Variants in AADACL3 observed in about 807,000 individuals in gnomAD.
The protein encoded by AADACL3 is arylacetamide deacetylase like 3.
A neutral mutation model predicts 13.6 loss-of-function variants in AADACL3; 13 were observed. The observed-to-expected ratio is 0.95, with a 90% CI of 0.62 to 1.52. The LOEUF (loss-of-function observed/expected upper bound fraction) is 1.52. AADACL3 is among the 40% of genes most tolerant of loss of function. The pLI is 0.00. For missense variants in AADACL3, 519 were observed against 499.2 expected (o/e 1.04, Z -0.38); for synonymous variants, 195 against 197.0 (o/e 0.99, Z 0.08).
Position 12,719,759 on chromosome 1 carries a change from C to T in AADACL3, c.385+68C>T, listed in dbSNP as rs551814423. 23 of 1,437,918 alleles carry T rather than the reference C, an allele frequency of 1.6e-5. No homozygotes were observed. In the East Asian group the frequency reaches 2.5e-4, roughly 16 times the overall value. 89.1% of individuals were successfully genotyped at this position (1,437,918 alleles called of 1,614,324 possible). On this transcript the variant is annotated intron_variant, in intron 2 of 3. Transcript: ENST00000359318. ...CCTTAACATAACTTGGAAGAATGGG[C>T]ATCTTCCTGGGACTTAAAGTATGCT...
At chr1:12,720,753 G>A (rs1008991540) in intron 2 of AADACL3, 130 bp from the exon 3 acceptor site, 7 of 698,878 alleles carry the variant, frequency 1.0e-5, no homozygotes, top group Admixed American at 2.0e-5. Context: ...AAGATTGACC[G>A]GAAGTTTGCT....
Position 12,726,094 on chromosome 1 carries a change from C to T in AADACL3, c.*98C>T, listed in dbSNP as rs1025064693. 5 of 1,378,756 alleles carry T rather than the reference C, an allele frequency of 3.6e-6. No individual in the cohort carries two copies. The highest frequency in any genetic ancestry group is 2.9e-5 in the African/African-American group (2 of 68,856). The allele number at this position is 1,378,756 out of a possible 1,614,324, so 85.4% of individuals were successfully genotyped here. A position where few individuals can be genotyped will look rare whatever the true frequency, so the allele number is the denominator to read the frequency against. On this transcript the variant is annotated 3_prime_UTR_variant, in exon 4 of 4. Transcript: ENST00000359318. ...CTGATTTAGGTGGTGCATAGTGGGG[C>T]TAGGGAGGGGGTAGAGGTTGCTGTC... is the stretch of plus-strand genomic sequence containing the variant.
At position 12,726,105 on chromosome 1, in the gene AADACL3, G is replaced by A. The variant is rs921141242; in HGVS notation, c.*109G>A. The A allele has an allele frequency of 2.0e-5, 25 of 1,258,188 alleles. No individual in the cohort carries two copies. The highest frequency in any genetic ancestry group is 2.0e-4 in the African/African-American group (13 of 66,408). The allele number at this position is 1,258,188 out of a possible 1,614,324, so 77.9% of individuals were successfully genotyped here. A position where few individuals can be genotyped will look rare whatever the true frequency, so the allele number is the denominator to read the frequency against. ...GGTGCATAGTGGGGCTAGGGAGGGG[G>A]TAGAGGTTGCTGTCACCTTTCTGGT... On this transcript the variant is annotated 3_prime_UTR_variant, in exon 4 of 4. Coordinates refer to ENST00000359318, the MANE Select transcript of AADACL3 (RefSeq NM_001103170.3).
In AADACL3 at chr1:12,725,316, G is replaced by A; in HGVS notation, c.544G>A (p.Val182Met). The change falls in exon 4 of 4, where the codon GTG becomes ATG. Residue 182 changes from valine to methionine, a missense_variant. Physicochemically the swap from Val to Met is conservative, Grantham distance 21. Coordinates refer to ENST00000359318, the MANE Select transcript of AADACL3 (RefSeq NM_001103170.3). The stretch of plus-strand genomic sequence containing the variant: ...CCTGAAGTCCCTGGATGCATATGGA[G>A]TGGATCCAGCCCGGGTTGTGGTCTG... ...HFLKSLDAYG[V>M]DPARVVVCGD... is the part of the protein sequence containing the mutation. 1 of 1,614,162 alleles carries A rather than the reference G, an allele frequency of 6.2e-7. No individual in the cohort carries two copies. Among genetic ancestry groups the A allele is most frequent in the Non-Finnish European group, 8.5e-7 (1 of 1,180,030 alleles).
At chr1:12,724,816 C>A (rs1249341075) in intron 3 of AADACL3, among the ~76,000 whole-genome samples, 1 of 152,188 alleles carries the variant, frequency 6.6e-6, no homozygotes, top group Non-Finnish European at 1.5e-5. Context: ...CAAGATCTCC[C>A]TTAACAAAAT....
In AADACL3 at chr1:12,719,476, GGAT is replaced by G. The variant is rs1462930038; in HGVS notation, c.174_176del (p.Met58del). The G allele has an allele frequency of 6.2e-7, 1 of 1,613,194 alleles. No individual in the cohort carries two copies. Among genetic ancestry groups the G allele is most frequent in the Non-Finnish European group, 8.5e-7 (1 of 1,179,296 alleles). The stretch of plus-strand genomic sequence containing the variant: ...CATCATTTCTTCTCTCTCCAACAGG[GGAT>G]GATATTTGAGAAGCTCAGAATCTGT... On this transcript the variant is annotated inframe_deletion and splice_region_variant, in exon 2 of 4. Transcript: ENST00000359318.
At chr1:12,722,028 T>A (rs1315089880) in intron 3 of AADACL3, among the ~76,000 whole-genome samples, 1 of 151,966 alleles carries the variant, frequency 6.6e-6, no homozygotes, top group African/African-American at 2.4e-5. Context: ...CTACCTGAGG[T>A]GAGTAGAAAA....
In AADACL3 at chr1:12,719,546, GCT is replaced by G; in HGVS notation, c.241_242del (p.Leu81LysfsTer3). The G allele has an allele frequency of 6.2e-7, 1 of 1,614,086 alleles. No individual in the cohort carries two copies. The highest frequency in any genetic ancestry group is 8.5e-7 in the Non-Finnish European group (1 of 1,179,964). On this transcript the variant is annotated frameshift_variant, in exon 2 of 4. Transcript: ENST00000359318. LOFTEE classifies it high-confidence loss of function. The part of the protein sequence containing the change: ...FFCFMQDLPP[L>X]KYDPDVVVTD... ...TCTGTTTCATGCAAGATCTGCCTCC[GCT>G]AAAGTATGACCCCGATGTTGTGGTC...
At chr1:12,722,488 C>T (rs1447148624) in intron 3 of AADACL3, among the ~76,000 whole-genome samples, 1 of 151,954 alleles carries the variant, frequency 6.6e-6, no homozygotes, top group African/African-American at 2.4e-5. Flanking sequence ...TGTACCAAAC[C>T]AAGAGATCGT....
chr1:12,725,851 TGGAAGACCTG>T lies in AADACL3; in HGVS notation c.1083_1092del (p.Asp362CysfsTer3). On this transcript the variant is annotated frameshift_variant, in exon 4 of 4. Coordinates refer to ENST00000359318, the MANE Select transcript of AADACL3 (RefSeq NM_001103170.3). LOFTEE classifies it low-confidence loss of function (END_TRUNC). Reference sequence around the variant, plus strand: ...AATTCACTGTTGTACAAGAAAAGGCTGGAAGACCTGGGAGTGCCCGTGACCTGGCACCATA... The same window carrying T: ...AATTCACTGTTGTACAAGAAAAGGCTGGAGTGCCCGTGACCTGGCACCATA... 6.2e-7 allele frequency: 1 copy of T among 1,614,196 alleles called. No individual in the cohort carries two copies. Among genetic ancestry groups the T allele is most frequent in the Non-Finnish European group, 8.5e-7 (1 of 1,180,022 alleles).
At chr1:12,721,265 G>T (rs146587622) in intron 3 of AADACL3, among the ~76,000 whole-genome samples, 2 of 152,054 alleles carry the variant, frequency 1.3e-5, no homozygotes, top group African/African-American at 4.8e-5. Context: ...AGCCAGGTGT[G>T]GTGGCATATG....
chr1:12,719,803 C>A (rs1455370781), intron 2 of AADACL3, 112 bp downstream of exon 2: 2 of 1,122,960 alleles, frequency 1.8e-6, no homozygotes, highest in Non-Finnish European at 2.6e-6. Flanking sequence ...CAGGGAACAC[C>A]AGGGCAGTTC....
At chr1:12,721,001 G>A (rs2100211024) in intron 3 of AADACL3, 55 bp downstream of exon 3, 3 of 823,960 alleles carry the variant, frequency 3.6e-6, no homozygotes, top group African/African-American at 3.7e-5. Context: ...CTGATGTGGA[G>A]AGATGGGGTG....
intron 3 of AADACL3, among the ~76,000 whole-genome samples, chr1:12,724,561 T>A (rs905460643): frequency 6.6e-6 from 1 of 152,036 alleles, no homozygotes; most frequent in African/African-American, 2.4e-5. Context: ...CACAGCTCAC[T>A]GCAGCCTCAA....
At chr1:12,719,314 G>C (rs967226544) in intron 1 of AADACL3, among the ~76,000 whole-genome samples, 161 bp from the exon 2 acceptor site, 1 of 152,178 alleles carries the variant, frequency 6.6e-6, no homozygotes, top group Non-Finnish European at 1.5e-5. Context: ...TCCTGCAGGT[G>C]TCCTGAGGGA....
In AADACL3 at chr1:12,726,830, C is replaced by CA. The variant is rs2100220075; in HGVS notation, c.*837dup. 6.6e-6 allele frequency: 1 copy of CA among 152,302 alleles called. No individual in the cohort carries two copies. The highest frequency in any genetic ancestry group is 2.1e-4 in the South Asian group (1 of 4,816). The allele number at this position is 152,302 out of a possible 1,614,324, so 9.4% of individuals were successfully genotyped here. On this transcript the variant is annotated 3_prime_UTR_variant, in exon 4 of 4. Coordinates refer to ENST00000359318, the MANE Select transcript of AADACL3 (RefSeq NM_001103170.3). The stretch of plus-strand genomic sequence containing the variant: ...GTCCACAGTGCAAAGTCAAGACAGC[C>CA]AAAGGAACAGAAGATGTATTTGTGA...
At position 12,725,693 on chromosome 1, in the gene AADACL3, G is replaced by T. The variant is rs3000931; in HGVS notation, c.921G>T (p.Met307Ile). The T allele has an allele frequency of 3.0e-3, 4,918 of 1,614,158 alleles. 121 individuals are homozygous for T. In the African/African-American group the frequency reaches 0.058, roughly 19 times the overall value. The change falls in exon 4 of 4, where the codon ATG becomes ATT. Residue 307 changes from methionine to isoleucine, a missense_variant. By Grantham distance (10) the Met-to-Ile change is conservative. Transcript: ENST00000359318. Reference sequence around the variant, plus strand: ...ACCAACTGAAGCCCCATGAGCCCATGAATGAAGCTGCTTACTTGGAAGTAA... The same window carrying T: ...ACCAACTGAAGCCCCATGAGCCCATTAATGAAGCTGCTTACTTGGAAGTAA... Reference protein sequence around the residue: ...RGYQLKPHEPMNEAAYLEVSV... With the variant: ...RGYQLKPHEPINEAAYLEVSV...
chr1:12,723,169 C>T (rs190483552), intron 3 of AADACL3, among the ~76,000 whole-genome samples: 73 of 151,790 alleles, frequency 4.8e-4, no homozygotes, highest in Admixed American at 2.2e-3. Flanking sequence ...ACTATGCCTG[C>T]CCTAACCTTC....
chr1:12,728,172 G>C lies in AADACL3; in HGVS notation c.*2176G>C, dbSNP rs1313088542. On this transcript the variant is annotated 3_prime_UTR_variant, in exon 4 of 4. Transcript: ENST00000359318. Reference sequence around the variant, plus strand: ...ATACATCCACGAGACTCACTGAGTGGAAAAGGGATAGGAATGAATGTTCAC... The same window carrying C: ...ATACATCCACGAGACTCACTGAGTGCAAAAGGGATAGGAATGAATGTTCAC... 6.6e-6 allele frequency: 1 copy of C among 152,178 alleles called. No individual in the cohort carries two copies. The highest frequency in any genetic ancestry group is 2.4e-5 in the African/African-American group (1 of 41,432). 9.4% of individuals were successfully genotyped at this position (152,178 alleles called of 1,614,324 possible). A position where few individuals can be genotyped will look rare whatever the true frequency, so the allele number is the denominator to read the frequency against.
Sources: gnomAD v4.1 joint callset for allele counts (sites outside exome capture counted in the v4.1 genomes callset) on GRCh38, gnomAD v4.1.1 for gene constraint, MANE v1.5 for transcripts, NCBI Gene and HGNC (gene_info 2026-07-23, HGNC 2026-07-21) for gene names.